JAK3: variants seen among roughly 807,000 people sequenced by gnomAD.
The protein encoded by JAK3 is Janus kinase 3.
Under a neutral mutation model 120.8 loss-of-function variants are expected in JAK3, and 88 were observed. The ratio of observed to expected loss-of-function variants is 0.73; its 90% CI spans 0.61 to 0.87. The LOEUF is 0.87. Among genes scored for constraint, JAK3 ranks in the 40% least tolerant of loss-of-function variants. The pLI is 0.00. For missense variants in JAK3, 1,254 were observed against 1,501.4 expected (o/e 0.84, Z 2.72); for synonymous variants, 592 against 628.6 (o/e 0.94, Z 0.87).
At position 17,830,510 on chromosome 19, in the gene JAK3, G is replaced by A; in HGVS notation, c.3089C>T (p.Pro1030Leu). ...TCTGGGAAGCCGACTCACGGCCGAG[G>A]GGCTGCAGCTTTTGTCGCAGTAGGT... Reference protein sequence around the residue: ...LFTYCDKSCSPSAEFLRMMGC... With the variant: ...LFTYCDKSCSLSAEFLRMMGC... The change falls in exon 22 of 24, where the codon CCC becomes CTC. Residue 1030 changes from proline (P) to leucine (L), a missense_variant. Around this residue, in one of 3 missense-constraint regions of JAK3, gnomAD observed 630 missense variants for 819.8 expected, o/e 0.77. Coordinates refer to ENST00000458235, the MANE Select transcript of JAK3 (RefSeq NM_000215.4). 2 of 1,613,116 alleles carry A rather than the reference G, an allele frequency of 1.2e-6. No homozygotes were observed. The highest frequency in any genetic ancestry group is 1.7e-6 in the Non-Finnish European group (2 of 1,179,406).
chr19:17,826,951 G>A, intron 23 of JAK3, 41 bp from the exon 24 acceptor site: 1 of 1,588,224 alleles, frequency 6.3e-7, no homozygotes, highest in Non-Finnish European at 8.5e-7. Context: ...TGCCTGAGCA[G>A]TCCAAAGGAC....
rs559563409 is a variant in JAK3 at position 17,842,175 on chromosome 19, T to C, written c.861+141A>G. ...CCATTCCCGCAGTCTCCTCCCTCAC[T>C]AAGCCCCGCCCCTCATTAAGCCTCG... is the stretch of plus-strand genomic sequence containing the variant. On this transcript the variant is annotated intron_variant, in intron 6 of 23. Transcript: ENST00000458235. This position sits in a 1 kb window ranked among gnomAD's most constrained non-coding sequence, Gnocchi z 6.4. 5.6e-4 allele frequency: 502 copies of C among 895,422 alleles called. 1 individual carries two copies. Among genetic ancestry groups the C allele is most frequent in the Non-Finnish European group, 7.4e-4 (462 of 624,718 alleles). 55.5% of individuals were successfully genotyped at this position (895,422 alleles called of 1,614,324 possible). A position where few individuals can be genotyped will look rare whatever the true frequency, so the allele number is the denominator to read the frequency against.
rs781483845 is a variant in JAK3, at chr19:17,826,923, G to A, written c.3208-13C>T. The A allele has an allele frequency of 5.0e-6, 8 of 1,605,292 alleles. No individual in the cohort carries two copies. Among genetic ancestry groups the A allele is most frequent in the Non-Finnish European group, 6.8e-6 (8 of 1,178,928 alleles). ...TGAGCTCGTGAACCTGAGGGGCGGG[G>A]GACAGATAATGGGGTCGTGCCTGAG... On this transcript the variant is annotated splice_polypyrimidine_tract_variant and intron_variant, in intron 23 of 23. Coordinates refer to ENST00000458235, the MANE Select transcript of JAK3 (RefSeq NM_000215.4).
chr19:17,836,919 A>G (rs2094225361), intron 13 of JAK3: 2 of 679,024 alleles, frequency 2.9e-6, no homozygotes, highest in African/African-American at 1.8e-5. Context: ...ACTTCAGGTC[A>G]TTCTGGGGCT....
In JAK3 at chr19:17,832,657, T is replaced by C; in HGVS notation, c.2542A>G (p.Thr848Ala). The C allele has an allele frequency of 6.2e-7, 1 of 1,614,190 alleles. No individual in the cohort carries two copies. Among genetic ancestry groups the C allele is most frequent in the Non-Finnish European group, 8.5e-7 (1 of 1,180,028 alleles). The change falls in exon 19 of 24, where the codon ACA (threonine) becomes GCA (alanine). Residue 848 changes from threonine to alanine, a missense_variant. Thr to Ala is a moderately conservative substitution (Grantham distance 58). Transcript: ENST00000458235. This position sits in a 1 kb window ranked among gnomAD's most constrained non-coding sequence, Gnocchi z 4.7. ...LCRYDPLGDN[T>A]GALVAVKQLQ... ...TGTTTCACGGCCACCAGGGCACCTG[T>C]ATTGTCGCCTAGCGGGTCATAGCGG...
rs564743916 is a variant in JAK3, at chr19:17,825,308, T to C, written c.*1435A>G. 5 of 228,654 alleles carry C rather than the reference T, an allele frequency of 2.2e-5. No individual in the cohort carries two copies. Among genetic ancestry groups the C allele is most frequent in the Middle Eastern group, 1.3e-3 (1 of 750 alleles). 14.2% of individuals were successfully genotyped at this position (228,654 alleles called of 1,614,324 possible). A position where few individuals can be genotyped will look rare whatever the true frequency, so the allele number is the denominator to read the frequency against. Reference sequence around the variant, plus strand: ...GGCATGCTGTTCCCTCTGCCAGGAATGCCTTTCCTTCCCTTGATTGCGTGA... The same window carrying C: ...GGCATGCTGTTCCCTCTGCCAGGAACGCCTTTCCTTCCCTTGATTGCGTGA... On this transcript the variant is annotated 3_prime_UTR_variant, in exon 24 of 24. Coordinates refer to ENST00000458235, the MANE Select transcript of JAK3 (RefSeq NM_000215.4).
intron 23 of JAK3, among the ~76,000 whole-genome samples, chr19:17,829,315 C>T (rs993833536): frequency 2.0e-5 from 3 of 152,108 alleles, no homozygotes; most frequent in Non-Finnish European, 4.4e-5. Context: ...CAGGCACCCA[C>T]ACATGGGTAA....
Position 17,831,330 on chromosome 19 carries a change from C to T in JAK3, c.2876G>A (p.Ser959Asn). 6.2e-7 allele frequency: 1 copy of T among 1,612,048 alleles called. No homozygotes were observed. Among genetic ancestry groups the T allele is most frequent in the Non-Finnish European group, 8.5e-7 (1 of 1,179,836 alleles). ...DLAARNILVE[S>N]EAHVKIADFG... ...GTCAGCGATCTTGACGTGTGCCTCG[C>T]TCTCCACGAGGATGTTTCGGGCGGC... The change falls in exon 21 of 24, where the codon AGC becomes AAC. Residue 959 changes from serine (S) to asparagine (N), a missense_variant. Around this residue, in one of 3 missense-constraint regions of JAK3, gnomAD observed 630 missense variants for 819.8 expected, o/e 0.77. Transcript: ENST00000458235. The surrounding 1 kb of genome is among the most constrained non-coding windows in gnomAD (Gnocchi z 5.1).
chr19:17,841,592 G>T lies in JAK3; in HGVS notation c.985-46C>A, dbSNP rs2094238978. The T allele has an allele frequency of 6.2e-7, 1 of 1,611,332 alleles. No homozygotes were observed. Among genetic ancestry groups the T allele is most frequent in the African/African-American group, 1.3e-5 (1 of 74,890 alleles). ...AGCCCAGTGAAACCCGAGGGTGCCG[G>T]TCCCGCCCTCGGGGTAAGGCTGAAG... On this transcript the variant is annotated intron_variant, in intron 7 of 23. Transcript: ENST00000458235. This position sits in a 1 kb window ranked among gnomAD's most constrained non-coding sequence, Gnocchi z 4.1.
intron 1 of JAK3, 31 bp from the exon 2 acceptor site, chr19:17,844,461 C>G (rs2094247611): frequency 7.6e-6 from 12 of 1,573,436 alleles, no homozygotes; most frequent in Non-Finnish European, 1.0e-5. Flanking sequence ...GCCCCTCAGT[C>G]CTGGTCAGAG....
chr19:17,840,748 G>T (rs2094236347), intron 8 of JAK3, among the ~76,000 whole-genome samples: 3 of 150,944 alleles, frequency 2.0e-5, no homozygotes, highest in African/African-American at 7.4e-5. Flanking sequence ...GGGCGACAGA[G>T]CCAGACTCCG....
intron 23 of JAK3, among the ~76,000 whole-genome samples, chr19:17,829,462 A>T (rs978768122): frequency 6.6e-6 from 1 of 151,910 alleles, no homozygotes; most frequent in Non-Finnish European, 1.5e-5. Flanking sequence ...CCTGGCCAAA[A>T]TTATTTTTAA....
chr19:17,829,692 G>C (rs2094210114), intron 23 of JAK3: 1 of 297,944 alleles, frequency 3.4e-6, no homozygotes. Flanking sequence ...CTCAGGAGTT[G>C]GAGGCTGCAG....
At position 17,843,734 on chromosome 19, in the gene JAK3, G is replaced by T. The variant is rs747069455; in HGVS notation, c.308+43C>A. 7 of 1,611,050 alleles carry T rather than the reference G, an allele frequency of 4.3e-6. No individual in the cohort carries two copies. In the East Asian group the frequency reaches 1.3e-4, roughly 31 times the overall value. Reference sequence around the variant, plus strand: ...TGGGCACCTCGAAATGCAAGGAGATGATAAAATTGTACAATCCCTGGGGGC... The same window carrying T: ...TGGGCACCTCGAAATGCAAGGAGATTATAAAATTGTACAATCCCTGGGGGC... On this transcript the variant is annotated intron_variant, in intron 3 of 23. Transcript: ENST00000458235. This position sits in a 1 kb window ranked among gnomAD's most constrained non-coding sequence, Gnocchi z 5.4.
At position 17,831,319 on chromosome 19, in the gene JAK3, C is replaced by T. The variant is rs2147675852; in HGVS notation, c.2887G>A (p.Val963Ile). The T allele has an allele frequency of 6.2e-7, 1 of 1,612,396 alleles. No homozygotes were observed. Among genetic ancestry groups the T allele is most frequent in the Admixed American group, 1.7e-5 (1 of 59,986 alleles). ...GCTAGGCCGAAGTCAGCGATCTTGA[C>T]GTGTGCCTCGCTCTCCACGAGGATG... ...RNILVESEAHVKIADFGLAKL... is the reference protein window; with the variant it reads ...RNILVESEAHIKIADFGLAKL... Residue 963 changes from valine (V) to isoleucine (I), a missense_variant, in exon 21 of 24, where the codon GTC becomes ATC. Val to Ile is a conservative substitution (Grantham distance 29). This residue lies in a region of JAK3 where 630 missense variants were observed against 819.8 expected (regional missense o/e 0.77). Coordinates refer to ENST00000458235, the MANE Select transcript of JAK3 (RefSeq NM_000215.4). This position sits in a 1 kb window ranked among gnomAD's most constrained non-coding sequence, Gnocchi z 5.1.
At position 17,847,958 on chromosome 19, in the gene JAK3, G is replaced by A. The variant is rs199713123; in HGVS notation, c.-26C>T. On this transcript the variant is annotated 5_prime_UTR_variant, in exon 1 of 24. Transcript: ENST00000458235. ...CGCCAGCTCTTACCTAGCGGGCAGG[G>A]ACCCTGGACTTTCGAAGGGCGGGCA... 955 of 1,036,658 alleles carry A rather than the reference G, an allele frequency of 9.2e-4. 3 individuals are homozygous for A. The African/African-American group carries it at 0.013, about 14-fold the overall frequency. The allele number at this position is 1,036,658 out of a possible 1,614,324, so 64.2% of individuals were successfully genotyped here.
intron 23 of JAK3, 29 bp downstream of exon 23, chr19:17,830,079 G>A: frequency 2.6e-6 from 4 of 1,514,378 alleles, no homozygotes; most frequent in Non-Finnish European, 3.6e-6. Context: ...TACAGACTGG[G>A]AAACTGAGGC....
At position 17,825,258 on chromosome 19, in the gene JAK3, C is replaced by T; in HGVS notation, c.*1485G>A. 4.4e-6 allele frequency: 1 copy of T among 229,636 alleles called. No individual in the cohort carries two copies. Among genetic ancestry groups the T allele is most frequent in the Non-Finnish European group, 8.6e-6 (1 of 115,814 alleles). The allele number at this position is 229,636 out of a possible 1,614,324, so 14.2% of individuals were successfully genotyped here. The stretch of plus-strand genomic sequence containing the variant: ...GCTCCAATACTTGGGCTCTTAACCT[C>T]CTTACTCTGAGCCTTCTCACGCTTG... On this transcript the variant is annotated 3_prime_UTR_variant, in exon 24 of 24. Coordinates refer to ENST00000458235, the MANE Select transcript of JAK3 (RefSeq NM_000215.4).
chr19:17,831,182 C>G lies in JAK3; in HGVS notation c.2978+46G>C. 6.3e-7 allele frequency: 1 copy of G among 1,588,522 alleles called. No homozygotes were observed. The highest frequency in any genetic ancestry group is 8.6e-7 in the Non-Finnish European group (1 of 1,167,802). ...GCGGGGGCATGGCTGGGGGCGGAGCCAGAGCCGTGGGGAATAGGGGCGGAG... is the reference window on the plus strand; with the variant it reads ...GCGGGGGCATGGCTGGGGGCGGAGCGAGAGCCGTGGGGAATAGGGGCGGAG... On this transcript the variant is annotated intron_variant, in intron 21 of 23. Transcript: ENST00000458235. This position sits in a 1 kb window ranked among gnomAD's most constrained non-coding sequence, Gnocchi z 5.1.
Sources: allele counts gnomAD v4.1 joint callset (sites outside exome capture counted in the v4.1 genomes callset), GRCh38; gene constraint gnomAD v4.1.1; regional missense constraint gnomAD v4.1.1; non-coding constraint Gnocchi (gnomAD v3.1); transcripts MANE v1.5; gene names NCBI Gene and HGNC (gene_info 2026-07-23, HGNC 2026-07-21).